VWC2L: variants seen among roughly 807,000 people sequenced by gnomAD.
VWC2L encodes von Willebrand factor C domain-containing protein 2-like.
VWC2L carries 10 observed loss-of-function variants against 21.6 expected under a neutral mutation model. The observed-to-expected ratio is 0.46, with a 90% confidence interval of 0.29 to 0.78. The LOEUF (loss-of-function observed/expected upper bound fraction) is 0.78. Ranked by LOEUF, VWC2L falls within the 30% of genes least tolerant of loss-of-function variation. The pLI, the probability that VWC2L is intolerant of heterozygous loss-of-function variation, is 0.10. For synonymous variants in VWC2L, 96 were observed against 94.3 expected (o/e 1.02, Z -0.10); for missense variants, 209 against 277.1 (o/e 0.75, Z 1.74).
At chr2:214,442,333 TAA>T (rs1702773657) in intron 3 of VWC2L, among the ~76,000 whole-genome samples, 1 of 152,184 alleles carries the variant, frequency 6.6e-6, no homozygotes, top group Admixed American at 6.5e-5. Flanking sequence ...AGAAAAGAGC[TAA>T]AGTCTTTAAA....
chr2:214,480,585 T>C (rs528898017), intron 3 of VWC2L, among the ~76,000 whole-genome samples: 8 of 152,224 alleles, frequency 5.3e-5, no homozygotes, highest in African/African-American at 1.4e-4. Context: ...GTGTAGCACT[T>C]CTTGGTGTCA....
intron 3 of VWC2L, among the ~76,000 whole-genome samples, chr2:214,560,590 T>C (rs1689951367): frequency 6.6e-6 from 1 of 152,184 alleles, no homozygotes; most frequent in Admixed American, 6.5e-5. Flanking sequence ...AAGTAGAAGG[T>C]TTGTTGCTTA....
intron 3 of VWC2L, among the ~76,000 whole-genome samples, chr2:214,489,376 A>T (rs1473323834): frequency 1.3e-5 from 2 of 152,186 alleles, no homozygotes; most frequent in African/African-American, 4.8e-5. Context: ...AATGATTGGA[A>T]GTGTGCCCCT....
Position 214,427,445 on chromosome 2 carries a change from T to C in VWC2L, c.391-9184T>C, listed in dbSNP as rs561349149. ...TGAGCTAAAGTTACCCTGTTAAAAA[T>C]CTGTTTTTGGCAAGAATCTGATTAA... On this transcript the variant is annotated intron_variant, in intron 2 of 3. Transcript: ENST00000312504. 5.3e-5 allele frequency among the ~76,000 whole-genome samples: 8 copies of C among 152,308 alleles called. No individual in the cohort carries two copies. The South Asian group carries it at 1.7e-3, about 32-fold the overall frequency.
intron 3 of VWC2L, among the ~76,000 whole-genome samples, chr2:214,572,060 G>T (rs1292896998): frequency 2.0e-5 from 3 of 152,156 alleles, no homozygotes; most frequent in Admixed American, 6.5e-5. Context: ...GGGATTACAG[G>T]TGTAAGCCAC....
intron 3 of VWC2L, among the ~76,000 whole-genome samples, chr2:214,524,494 G>A (rs190888360): frequency 3.3e-5 from 5 of 152,190 alleles, no homozygotes; most frequent in African/African-American, 1.2e-4. Context: ...TAAACTAGAA[G>A]GACCTCTGAC....
intron 3 of VWC2L, among the ~76,000 whole-genome samples, chr2:214,465,376 C>T (rs907458366): frequency 2.6e-5 from 4 of 152,138 alleles, no homozygotes; most frequent in African/African-American, 9.7e-5. Flanking sequence ...CTGGGTCCTT[C>T]CCTTCAAGGG....
At chr2:214,469,829 G>A (rs1045439567) in intron 3 of VWC2L, among the ~76,000 whole-genome samples, 3 of 152,020 alleles carry the variant, frequency 2.0e-5, no homozygotes, top group East Asian at 1.9e-4. Context: ...GTTGAAGAGC[G>A]GACTAAGAAA....
intron 3 of VWC2L, among the ~76,000 whole-genome samples, chr2:214,502,568 T>G (rs974102627): frequency 3.1e-5 from 4 of 130,944 alleles, no homozygotes; most frequent in African/African-American, 1.0e-4. Flanking sequence ...AGACTCCACG[T>G]CAAAAACAAA....
intron 2 of VWC2L, among the ~76,000 whole-genome samples, chr2:214,434,021 A>G (rs889707852): frequency 6.6e-6 from 1 of 152,202 alleles, no homozygotes; most frequent in Non-Finnish European, 1.5e-5. Context: ...CATGCATATG[A>G]TAAGAGATTC....
At chr2:214,486,273 C>A (rs1252392338) in intron 3 of VWC2L, among the ~76,000 whole-genome samples, 10 of 152,112 alleles carry the variant, frequency 6.6e-5, no homozygotes, top group African/African-American at 2.4e-4. Flanking sequence ...CAATCAATGG[C>A]AAAGCAGGAG....
At chr2:214,575,092 T>C (rs1690209027) in intron 3 of VWC2L, among the ~76,000 whole-genome samples, 1 of 133,174 alleles carries the variant, frequency 7.5e-6, no homozygotes, top group Non-Finnish European at 1.6e-5. Context: ...TTTATAAAAA[T>C]CAAATGAACC....
intron 3 of VWC2L, among the ~76,000 whole-genome samples, chr2:214,452,270 C>T (rs1308923559): frequency 6.6e-6 from 1 of 152,158 alleles, no homozygotes; most frequent in Non-Finnish European, 1.5e-5. Context: ...ATCCTCCCAC[C>T]TCAGCCTCCC....
intron 2 of VWC2L, among the ~76,000 whole-genome samples, chr2:214,429,084 C>T (rs1400077391): frequency 3.3e-5 from 5 of 152,174 alleles, no homozygotes; most frequent in African/African-American, 1.2e-4. Context: ...TAGTGATGTA[C>T]TCTTCCCCAA....
At chr2:214,530,099 GA>G (rs1014996760) in intron 3 of VWC2L, among the ~76,000 whole-genome samples, 16 of 152,100 alleles carry the variant, frequency 1.1e-4, no homozygotes, top group African/African-American at 3.9e-4. Flanking sequence ...TACCATATGA[GA>G]AAAAAATGAA....
intron 3 of VWC2L, among the ~76,000 whole-genome samples, chr2:214,571,883 C>G (rs1007662303): frequency 3.9e-5 from 6 of 152,014 alleles, no homozygotes; most frequent in African/African-American, 1.4e-4. Context: ...ACCTCCTGGG[C>G]TCAAGCAATT....
chr2:214,482,625 T>A (rs999139146), intron 3 of VWC2L, among the ~76,000 whole-genome samples: 2 of 149,036 alleles, frequency 1.3e-5, no homozygotes, highest in African/African-American at 4.9e-5. Flanking sequence ...AGAAAAAAAT[T>A]TAATATTAAA....
intron 3 of VWC2L, among the ~76,000 whole-genome samples, chr2:214,529,555 C>A (rs1476480283): frequency 6.6e-6 from 1 of 152,116 alleles, no homozygotes; most frequent in African/African-American, 2.4e-5. Flanking sequence ...TGATTTACAT[C>A]TTTAGGCACT....
intron 3 of VWC2L, among the ~76,000 whole-genome samples, chr2:214,575,245 A>C (rs1690211196): frequency 6.6e-6 from 1 of 152,070 alleles, no homozygotes; most frequent in Non-Finnish European, 1.5e-5. Flanking sequence ...TCTCATACCC[A>C]CCACAGGAAA....
Sources: allele counts gnomAD v4.1 joint callset (sites outside exome capture counted in the v4.1 genomes callset), GRCh38; gene constraint gnomAD v4.1.1; transcripts MANE v1.5; gene names NCBI Gene and HGNC (gene_info 2026-07-23, HGNC 2026-07-21).